The following TF variants were observed in gnomAD, a reference collection of about 807,000 sequenced individuals.
TF encodes serotransferrin.
TF carries 55 observed loss-of-function variants against 82.4 expected under a neutral mutation model. That is an observed-to-expected ratio of 0.67 (90% CI 0.54 to 0.84). The LOEUF (loss-of-function observed/expected upper bound fraction) is 0.84. Among genes scored for constraint, TF ranks in the 40% least tolerant of loss-of-function variants. The pLI, the probability that TF is intolerant of heterozygous loss-of-function variation, is 0.00. For synonymous variants in TF, 332 were observed against 332.6 expected (o/e 1.00, Z 0.02); for missense variants, 737 against 868.4 (o/e 0.85, Z 1.90).
At chr3:133,705,139 G>T in the TF span, among the ~76,000 whole-genome samples, 1 of 152,158 alleles carries the variant, frequency 6.6e-6, no homozygotes, top group African/African-American at 2.4e-5. Context: ...GCAGGGCATG[G>T]CAGCAGGTGC....
chr3:133,719,460 C>T, the TF span, among the ~76,000 whole-genome samples: 1 of 152,104 alleles, frequency 6.6e-6, no homozygotes, highest in African/African-American at 2.4e-5. Flanking sequence ...AAGTGTTGGG[C>T]ATGTGGGGAA....
At chr3:133,706,406 A>G in the TF span, among the ~76,000 whole-genome samples, 6 of 152,152 alleles carry the variant, frequency 3.9e-5, no homozygotes, top group African/African-American at 1.4e-4. Context: ...GTGCCTCCAG[A>G]TAAGCAGAGA....
At chr3:133,669,604 C>T in the TF span, among the ~76,000 whole-genome samples, 1 of 152,230 alleles carries the variant, frequency 6.6e-6, no homozygotes, top group Non-Finnish European at 1.5e-5. Flanking sequence ...CTTCCACGCT[C>T]TTCCTTATTC....
rs907640892 is a variant in TF at position 133,781,878 on chromosome 3, T to C, written c.*3258T>C. 24 of 152,122 alleles carry C rather than the reference T, an allele frequency of 1.6e-4. No individual in the cohort carries two copies. Among genetic ancestry groups the C allele is most frequent in the Non-Finnish European group, 1.5e-5 (1 of 68,016 alleles). 9.4% of individuals were successfully genotyped at this position (152,122 alleles called of 1,614,324 possible). A position where few individuals can be genotyped will look rare whatever the true frequency, so the allele number is the denominator to read the frequency against. ...AGCAACAAAATGAAATGGCAACCTA[T>C]GGATTGGAAAAAATATTTGCAAACT... is the stretch of plus-strand genomic sequence containing the variant. On this transcript the variant is annotated 3_prime_UTR_variant, in exon 17 of 17. Coordinates refer to ENST00000402696, the MANE Select transcript of TF (RefSeq NM_001063.4).
chr3:133,775,824 G>C (rs1489091292), intron 15 of TF, among the ~76,000 whole-genome samples: 1 of 152,146 alleles, frequency 6.6e-6, no homozygotes, highest in African/African-American at 2.4e-5. Context: ...GTGCCATCTT[G>C]GGTATGTTAC....
the TF span, among the ~76,000 whole-genome samples, chr3:133,728,858 G>C: frequency 2.0e-5 from 3 of 152,190 alleles, no homozygotes; most frequent in African/African-American, 7.2e-5. Context: ...CTGTTTGTTA[G>C]CTTTCCTTTT....
the TF span, among the ~76,000 whole-genome samples, chr3:133,725,431 G>A: frequency 5.9e-5 from 9 of 152,028 alleles, no homozygotes; most frequent in African/African-American, 2.2e-4. Context: ...GTGAATGGGA[G>A]TTCACTCATG....
At chr3:133,680,489 A>T in the TF span, among the ~76,000 whole-genome samples, 1 of 151,652 alleles carries the variant, frequency 6.6e-6, no homozygotes. Context: ...GTAGGCACAC[A>T]GTATGGCATC....
intron 11 of TF, 26 bp from the exon 12 acceptor site, chr3:133,766,252 A>T (rs373970844): frequency 1.4e-5 from 22 of 1,613,432 alleles, no homozygotes; most frequent in Non-Finnish European, 1.9e-5. Context: ...GTGTTAATAC[A>T]TCCTTTTCTG....
Position 133,777,116 on chromosome 3 carries a change from A to T in TF, c.1940A>T (p.Asp647Val). The T allele has an allele frequency of 6.2e-7, 1 of 1,614,200 alleles. No homozygotes were observed. The highest frequency in any genetic ancestry group is 8.5e-7 in the Non-Finnish European group (1 of 1,180,042). Residue 647 changes from aspartate to valine, a missense_variant, in exon 16 of 17, where the codon GAC (aspartate) becomes GTC (valine). Asp to Val is a radical substitution (Grantham distance 152). Coordinates refer to ENST00000402696, the MANE Select transcript of TF (RefSeq NM_001063.4). ...NFCLFRSETKDLLFRDDTVCL... is the reference protein window; with the variant it reads ...NFCLFRSETKVLLFRDDTVCL... ...TGTTTGTTCCGGTCGGAAACCAAGG[A>T]CCTTCTGTTCAGAGATGACACAGTA...
chr3:133,771,700 G>GTAGTC (rs1216262099), intron 14 of TF, among the ~76,000 whole-genome samples: 3 of 128,582 alleles, frequency 2.3e-5, no homozygotes, highest in African/African-American at 3.1e-5. Context: ...TTGCGCCACT[G>GTAGTC]CAGTCCGCAG....
At chr3:133,692,126 C>A in the TF span, among the ~76,000 whole-genome samples, 1 of 152,350 alleles carries the variant, frequency 6.6e-6, no homozygotes, top group South Asian at 2.1e-4. Context: ...AGTGGGGTCT[C>A]ACCCATGGGA....
At chr3:133,770,704 C>A in intron 14 of TF, 132 bp downstream of exon 14, 1 of 1,078,690 alleles carries the variant, frequency 9.3e-7, no homozygotes, top group African/African-American at 1.5e-5. Flanking sequence ...CTCAGTCTGT[C>A]TGCTCAGTGA....
At chr3:133,775,698 C>A in intron 15 of TF, 81 bp downstream of exon 15, 1 of 1,404,432 alleles carries the variant, frequency 7.1e-7, no homozygotes, top group Non-Finnish European at 1.0e-6. Flanking sequence ...CAAAGTGCAG[C>A]CATGACTCCA....
intron 15 of TF, among the ~76,000 whole-genome samples, chr3:133,776,539 T>G (rs8177306): frequency 0.036 from 5,487 of 152,320 alleles, 319 homozygotes; most frequent in African/African-American, 0.12. Flanking sequence ...GTTCAACATT[T>G]TGCAGTCATC....
At chr3:133,768,761 T>C (rs1476348844) in intron 13 of TF, among the ~76,000 whole-genome samples, 1 of 151,384 alleles carries the variant, frequency 6.6e-6, no homozygotes, top group African/African-American at 2.4e-5. Context: ...TTCATTTTCA[T>C]AGAGATACCT....
chr3:133,730,346 G>A, the TF span, among the ~76,000 whole-genome samples: 58,313 of 151,914 alleles, frequency 0.38, 11,726 homozygotes, highest in South Asian at 0.5. Flanking sequence ...GGAAGCCATA[G>A]GCATGCCTAT....
upstream of TF, among the ~76,000 whole-genome samples, chr3:133,742,271 C>T (rs929741154): frequency 3.9e-5 from 6 of 152,176 alleles, no homozygotes; most frequent in African/African-American, 1.4e-4. Flanking sequence ...CATGAGCCAC[C>T]ACCCCCACGC....
chr3:133,780,315 G>T lies in TF; in HGVS notation c.*1695G>T, dbSNP rs535985148. 6.6e-6 allele frequency: 1 copy of T among 152,146 alleles called. No individual in the cohort carries two copies. Among genetic ancestry groups the T allele is most frequent in the African/African-American group, 2.4e-5 (1 of 41,412 alleles). 9.4% of individuals were successfully genotyped at this position (152,146 alleles called of 1,614,324 possible). A position where few individuals can be genotyped will look rare whatever the true frequency, so the allele number is the denominator to read the frequency against. On this transcript the variant is annotated 3_prime_UTR_variant, in exon 17 of 17. Coordinates refer to ENST00000402696, the MANE Select transcript of TF (RefSeq NM_001063.4). ...AGATACCCCATGGCTCCCCTGGGACGCAGTCTGTCTCATTGCAATGGATCA... is the reference window on the plus strand; with the variant it reads ...AGATACCCCATGGCTCCCCTGGGACTCAGTCTGTCTCATTGCAATGGATCA...
Sources: allele counts gnomAD v4.1 joint callset (sites outside exome capture counted in the v4.1 genomes callset), GRCh38; gene constraint gnomAD v4.1.1; transcripts MANE v1.5; gene names NCBI Gene and HGNC (gene_info 2026-07-23, HGNC 2026-07-21).